Variants in PPARGC1A observed in about 807,000 individuals in gnomAD.
PPARGC1A encodes the protein PPARG coactivator 1 alpha, also known as peroxisome proliferator-activated receptor gamma coactivator 1-alpha.
Under a neutral mutation model 88.7 loss-of-function variants are expected in PPARGC1A, and 25 were observed. That is an observed-to-expected ratio of 0.28 (90% confidence interval 0.21 to 0.39). PPARGC1A has a LOEUF of 0.39. PPARGC1A is among the 10% of genes least tolerant of loss of function. PPARGC1A has a pLI of 1.00. For missense variants in PPARGC1A, 880 were observed against 968.7 expected (o/e 0.91, Z 1.22); for synonymous variants, 363 against 355.6 (o/e 1.02, Z -0.24).
chr4:23,977,453 A>G, the PPARGC1A span, among the ~76,000 whole-genome samples: 3 of 152,258 alleles, frequency 2.0e-5, no homozygotes, highest in African/African-American at 7.2e-5. Flanking sequence ...ACTGTGATAA[A>G]CAGACAACAA....
At chr4:24,066,849 G>GTT in the PPARGC1A span, among the ~76,000 whole-genome samples, 9,910 of 99,038 alleles carry the variant, frequency 0.1, 719 homozygotes, top group African/African-American at 0.17. Flanking sequence ...TTTGTTTTGG[G>GTT]TTTTTTTTTT....
the PPARGC1A span, among the ~76,000 whole-genome samples, chr4:24,449,353 G>A: frequency 6.6e-6 from 1 of 152,150 alleles, no homozygotes; most frequent in Non-Finnish European, 1.5e-5. Flanking sequence ...CCTGTGCAAC[G>A]GGCATAGGAA....
chr4:24,264,603 T>A, the PPARGC1A span, among the ~76,000 whole-genome samples: 4 of 152,256 alleles, frequency 2.6e-5, no homozygotes, highest in African/African-American at 9.6e-5. Flanking sequence ...AGAACCTTCA[T>A]TGGCAACATG....
the PPARGC1A span, among the ~76,000 whole-genome samples, chr4:24,444,870 A>T: frequency 6.6e-6 from 1 of 152,124 alleles, no homozygotes; most frequent in Non-Finnish European, 1.5e-5. Flanking sequence ...CCTGAGCAAC[A>T]TGGTGAACCC....
the PPARGC1A span, among the ~76,000 whole-genome samples, chr4:24,449,525 C>G: frequency 6.6e-6 from 1 of 152,204 alleles, no homozygotes; most frequent in East Asian, 1.9e-4. Context: ...TAAATTCCAT[C>G]AAAGCCAAGG....
the PPARGC1A span, among the ~76,000 whole-genome samples, chr4:24,368,437 A>G: frequency 2.6e-5 from 4 of 152,180 alleles, no homozygotes; most frequent in South Asian, 8.3e-4. Flanking sequence ...AAAAAAAATT[A>G]TCTCCCCTTT....
chr4:24,060,002 G>A, the PPARGC1A span, among the ~76,000 whole-genome samples: 3 of 152,186 alleles, frequency 2.0e-5, no homozygotes, highest in African/African-American at 7.2e-5. Context: ...CACCTGGGAC[G>A]TCACAGCAGG....
the PPARGC1A span, among the ~76,000 whole-genome samples, chr4:23,973,206 G>A: frequency 6.6e-6 from 1 of 152,212 alleles, no homozygotes; most frequent in African/African-American, 2.4e-5. Context: ...TTTAGAGCAA[G>A]TGCCTTGTTT....
chr4:23,806,083 A>C (rs1445294071), intron 10 of PPARGC1A, among the ~76,000 whole-genome samples: 1 of 152,180 alleles, frequency 6.6e-6, no homozygotes, highest in Non-Finnish European at 1.5e-5. Context: ...AGGAAACCGA[A>C]GGGGTGTTCC....
At chr4:23,923,990 C>T in the PPARGC1A span, among the ~76,000 whole-genome samples, 1 of 152,190 alleles carries the variant, frequency 6.6e-6, no homozygotes, top group African/African-American at 2.4e-5. Flanking sequence ...TGGAGAGATG[C>T]CTTTTCAGAG....
At chr4:24,332,886 T>C in the PPARGC1A span, among the ~76,000 whole-genome samples, 1 of 152,236 alleles carries the variant, frequency 6.6e-6, no homozygotes. Flanking sequence ...TTTCTTTATT[T>C]ACCAACCTGA....
the PPARGC1A span, among the ~76,000 whole-genome samples, chr4:24,033,312 A>G: frequency 3.3e-5 from 5 of 152,168 alleles, no homozygotes; most frequent in African/African-American, 1.2e-4. Context: ...TGCTTTAAAC[A>G]TTGTCTGATG....
At chr4:23,870,459 T>C (rs1713060105) in intron 2 of PPARGC1A, among the ~76,000 whole-genome samples, 1 of 152,228 alleles carries the variant, frequency 6.6e-6, no homozygotes, top group Non-Finnish European at 1.5e-5. Context: ...TAGTTTGTAG[T>C]CTTGTCTCTT....
At chr4:23,975,681 G>T in the PPARGC1A span, among the ~76,000 whole-genome samples, 1 of 152,156 alleles carries the variant, frequency 6.6e-6, no homozygotes, top group Non-Finnish European at 1.5e-5. Context: ...GCCTCCCATA[G>T]TGCTGGAATT....
At chr4:24,453,022 C>T in the PPARGC1A span, among the ~76,000 whole-genome samples, 1 of 152,210 alleles carries the variant, frequency 6.6e-6, no homozygotes, top group Non-Finnish European at 1.5e-5. Flanking sequence ...TGCATTTAAA[C>T]TCTGGTCTTT....
chr4:24,044,272 T>C, the PPARGC1A span, among the ~76,000 whole-genome samples: 1 of 152,184 alleles, frequency 6.6e-6, no homozygotes, highest in Non-Finnish European at 1.5e-5. Flanking sequence ...GAGACGCCAC[T>C]TTGTCATCCT....
the PPARGC1A span, among the ~76,000 whole-genome samples, chr4:24,441,568 C>A: frequency 6.6e-6 from 1 of 152,146 alleles, no homozygotes; most frequent in African/African-American, 2.4e-5. Context: ...GAGGGACAGC[C>A]ACCCTGAATG....
the PPARGC1A span, among the ~76,000 whole-genome samples, chr4:24,390,632 C>T: frequency 6.6e-6 from 1 of 151,998 alleles, no homozygotes; most frequent in African/African-American, 2.4e-5. Flanking sequence ...CTTTCTCTCA[C>T]CACTGGGATA....
the PPARGC1A span, among the ~76,000 whole-genome samples, chr4:24,132,040 T>C: frequency 1.3e-5 from 2 of 152,236 alleles, no homozygotes; most frequent in Non-Finnish European, 2.9e-5. Flanking sequence ...ATCCTCTGAA[T>C]TGGCCGCGGG....
Sources: allele counts gnomAD v4.1 joint callset (sites outside exome capture counted in the v4.1 genomes callset), GRCh38; gene constraint gnomAD v4.1.1; transcripts MANE v1.5; gene names NCBI Gene and HGNC (gene_info 2026-07-23, HGNC 2026-07-21).